The following AK1 variants were observed in gnomAD, a reference collection of about 807,000 sequenced individuals.
AK1 encodes adenylate kinase isoenzyme 1.
Under a neutral mutation model 23.9 loss-of-function variants are expected in AK1, and 13 were observed. The observed-to-expected ratio is 0.54, with a 90% confidence interval of 0.35 to 0.86. The LOEUF (loss-of-function observed/expected upper bound fraction) is 0.86. Ranked by LOEUF, AK1 falls within the 40% of genes least tolerant of loss-of-function variation. The pLI, the probability that AK1 is intolerant of heterozygous loss-of-function variation, is 0.01. For missense variants in AK1, 214 were observed against 255.1 expected (o/e 0.84, Z 1.10); for synonymous variants, 97 against 102.8 (o/e 0.94, Z 0.34).
Position 127,868,841 on chromosome 9 carries a change from G to A in AK1, c.325-329C>T, listed in dbSNP as rs1374889854. On this transcript the variant is annotated intron_variant, in intron 5 of 6. Transcript: ENST00000644144. This position sits in a 1 kb window ranked among gnomAD's most constrained non-coding sequence, Gnocchi z 4.1. ...CCCTCTGCTAGGAGCCCTCTCCCCC[G>A]AGCCTGATCCTAACTCGCCTTCACC... 1.3e-5 allele frequency among the ~76,000 whole-genome samples: 2 copies of A among 152,076 alleles called. No individual in the cohort carries two copies. The highest frequency in any genetic ancestry group is 2.4e-5 in the African/African-American group (1 of 41,386).
At chr9:127,876,584 G>C (rs1389578615) in intron 1 of AK1, among the ~76,000 whole-genome samples, 2 of 152,184 alleles carry the variant, frequency 1.3e-5, no homozygotes, top group Admixed American at 1.3e-4. Context: ...CCCCTCAGCA[G>C]CTGCCCATGG....
Position 127,868,071 on chromosome 9 carries a change from G to T in AK1, c.522C>A (p.Asn174Lys), listed in dbSNP as rs150064330. The change falls in exon 7 of 7, where the codon AAC (asparagine) becomes AAA (lysine). Residue 174 changes from asparagine to lysine, a missense_variant. Transcript: ENST00000644144. The surrounding 1 kb of genome is among the most constrained non-coding windows in gnomAD (Gnocchi z 4.1). ...AGACACTGTCCACGGAGCCCTCAGC[G>T]TTGACCTGTGGGGAGATGGGCCGTG... ...YEKRGIVRKV[N>K]AEGSVDSVFS... 6.2e-7 allele frequency: 1 copy of T among 1,613,932 alleles called. No individual in the cohort carries two copies. Among genetic ancestry groups the T allele is most frequent in the African/African-American group, 1.3e-5 (1 of 74,900 alleles).
Position 127,868,929 on chromosome 9 carries a change from AC to A in AK1, c.325-418del, listed in dbSNP as rs199892661. The stretch of plus-strand genomic sequence containing the variant: ...TCCTCAGGGCAGTCTCTCTGATGCC[AC>A]CCCCCGCCCCCCAGTACTCCCCGCC... On this transcript the variant is annotated intron_variant, in intron 5 of 6. Transcript: ENST00000644144. The surrounding 1 kb of genome is among the most constrained non-coding windows in gnomAD (Gnocchi z 4.1). Among the ~76,000 whole-genome samples, 1,108 of 151,444 alleles carry A rather than the reference AC, an allele frequency of 7.3e-3. 16 individuals are homozygous for A. Among genetic ancestry groups the A allele is most frequent in the African/African-American group, 0.026 (1,070 of 41,192 alleles).
At chr9:127,875,741 G>A (rs1332824612) in intron 1 of AK1, among the ~76,000 whole-genome samples, 1 of 150,766 alleles carries the variant, frequency 6.6e-6, no homozygotes, top group Non-Finnish European at 1.5e-5. Context: ...AGGCCCCTAT[G>A]GCCAAGCCAC....
rs543684833 is a variant in AK1 at position 127,868,265 on chromosome 9, G to A, written c.516+56C>T. On this transcript the variant is annotated intron_variant, in intron 6 of 6. Transcript: ENST00000644144. This position sits in a 1 kb window ranked among gnomAD's most constrained non-coding sequence, Gnocchi z 4.1. ...CTGAGGCCACACAGTGAGCTGAGGC[G>A]GAGCCACATAGGAACCCGTTCTTCC... 212 of 1,527,406 alleles carry A rather than the reference G, an allele frequency of 1.4e-4. No homozygotes were observed. The highest frequency in any genetic ancestry group is 1.4e-3 in the Middle Eastern group (6 of 4,402). The allele number at this position is 1,527,406 out of a possible 1,614,324, so 94.6% of individuals were successfully genotyped here.
rs1588617853 is a variant in AK1, at chr9:127,873,327, C to A, written c.8-266G>T. 3 of 1,539,416 alleles carry A rather than the reference C, an allele frequency of 1.9e-6. No homozygotes were observed. The Admixed American group carries it at 5.9e-5, about 30-fold the overall frequency. The stretch of plus-strand genomic sequence containing the variant: ...TAAAGGCTAAGTACTCTCCACACAG[C>A]CAGCGGGCTGGGCCGCCAGCCCTCA... On this transcript the variant is annotated intron_variant, in intron 2 of 6. Coordinates refer to ENST00000644144, the MANE Select transcript of AK1 (RefSeq NM_000476.3).
intron 2 of AK1, 143 bp from the exon 3 acceptor site, chr9:127,873,204 C>T: frequency 6.5e-7 from 1 of 1,539,616 alleles, no homozygotes; most frequent in Non-Finnish European, 8.7e-7. Context: ...AGACAAGTCA[C>T]AGCCCAGAGT....
rs770058973 is a variant in AK1, at chr9:127,872,789, G to A, written c.108C>T (p.His36=). Reference sequence around the variant, plus strand: ...ACCGCAGGAGGTCCCCGGTGGAGAGGTGGGTGTAGCCATACTTCTGCACGA... The same window carrying A: ...ACCGCAGGAGGTCCCCGGTGGAGAGATGGGTGTAGCCATACTTCTGCACGA... ...EKIVQKYGYT[H]LSTGDLLRSE... The change falls in exon 4 of 7, where the codon CAC becomes CAT. Residue 36 remains histidine, a synonymous_variant. Coordinates refer to ENST00000644144, the MANE Select transcript of AK1 (RefSeq NM_000476.3). 1.9e-6 allele frequency: 3 copies of A among 1,614,100 alleles called. No individual in the cohort carries two copies. The highest frequency in any genetic ancestry group is 3.3e-5 in the Admixed American group (2 of 60,024).
rs759169480 is a variant in AK1 at position 127,873,025 on chromosome 9, C to T, written c.43+1G>A. The T allele has an allele frequency of 4.3e-6, 7 of 1,614,122 alleles. No homozygotes were observed. The highest frequency in any genetic ancestry group is 1.3e-5 in the African/African-American group (1 of 75,062). Reference sequence around the variant, plus strand: ...GCACCACCCGCCTGCCCGCAACTCACCCACCACAAAGATGATCTTGGTTTT... The same window carrying T: ...GCACCACCCGCCTGCCCGCAACTCATCCACCACAAAGATGATCTTGGTTTT... On this transcript the variant is annotated splice_donor_variant, in intron 3 of 6. Transcript: ENST00000644144. LOFTEE classifies it high-confidence loss of function.
rs1829470408 is a variant in AK1, at chr9:127,873,587, G to A, written c.8-526C>T. On this transcript the variant is annotated intron_variant, in intron 2 of 6. Transcript: ENST00000644144. ...CCATGGAGACAGTTGCCGGGGTGGAGGGCTGTGGTGGGCATGTGGAACTCT... is the reference window on the plus strand; with the variant it reads ...CCATGGAGACAGTTGCCGGGGTGGAAGGCTGTGGTGGGCATGTGGAACTCT... 6.3e-6 allele frequency: 9 copies of A among 1,424,090 alleles called. No homozygotes were observed. In the African/African-American group the frequency reaches 1.3e-4, roughly 20 times the overall value. 88.2% of individuals were successfully genotyped at this position (1,424,090 alleles called of 1,614,324 possible).
At position 127,874,645 on chromosome 9, in the gene AK1, G is replaced by A. The variant is rs1829496321; in HGVS notation, c.-28C>T. The A allele has an allele frequency of 6.2e-7, 1 of 1,613,872 alleles. No individual in the cohort carries two copies. The highest frequency in any genetic ancestry group is 8.5e-7 in the Non-Finnish European group (1 of 1,179,920). ...TGCCGAGGTCCCGGGAGCCGTGTCA[G>A]TGCTCTGTAAGACAAGGGCACAGGT... On this transcript the variant is annotated 5_prime_UTR_variant, in exon 2 of 7. Coordinates refer to ENST00000644144, the MANE Select transcript of AK1 (RefSeq NM_000476.3).
chr9:127,868,291 C>G lies in AK1; in HGVS notation c.516+30G>C, dbSNP rs374508336. The G allele has an allele frequency of 3.2e-6, 5 of 1,554,302 alleles. No homozygotes were observed. Among genetic ancestry groups the G allele is most frequent in the African/African-American group, 1.4e-5 (1 of 73,384 alleles). On this transcript the variant is annotated intron_variant, in intron 6 of 6. Transcript: ENST00000644144. This position sits in a 1 kb window ranked among gnomAD's most constrained non-coding sequence, Gnocchi z 4.1. ...GAGCCACATAGGAACCCGTTCTTCC[C>G]GGAGCTGCCCCTGGGCCCGCGGGGC... is the stretch of plus-strand genomic sequence containing the variant.
Position 127,868,353 on chromosome 9 carries a change from CGATGACAGGTTCTGTGGCCTTG to C in AK1, c.462_483del (p.Tyr154Ter). ...ACAATGCCACGTTTCTCATAGAAGG[CGATGACAGGTTCTGTGGCCTTG>C]TAATAGGTCTCCAGCCGCTTTTTGA... On this transcript the variant is annotated frameshift_variant, in exon 6 of 7. Coordinates refer to ENST00000644144, the MANE Select transcript of AK1 (RefSeq NM_000476.3). LOFTEE classifies it high-confidence loss of function. The surrounding 1 kb of genome is among the most constrained non-coding windows in gnomAD (Gnocchi z 4.1). 6.2e-7 allele frequency: 1 copy of C among 1,606,974 alleles called. No homozygotes were observed.
intron 5 of AK1, among the ~76,000 whole-genome samples, chr9:127,869,119 C>T (rs1039570660): frequency 7.9e-5 from 12 of 152,170 alleles, no homozygotes; most frequent in Non-Finnish European, 1.5e-4. Context: ...GGGTTCTGAG[C>T]AATGTCCGTG....
In AK1 at chr9:127,868,623, C is replaced by G. The variant is rs950760726; in HGVS notation, c.325-111G>C. The stretch of plus-strand genomic sequence containing the variant: ...TAGATACCCCCTCAGACCTTCAATC[C>G]CTTCCCCAAGGCAGCCTGAAAGACC... On this transcript the variant is annotated intron_variant, in intron 5 of 6. Coordinates refer to ENST00000644144, the MANE Select transcript of AK1 (RefSeq NM_000476.3). This position sits in a 1 kb window ranked among gnomAD's most constrained non-coding sequence, Gnocchi z 4.1. The G allele has an allele frequency of 6.9e-6, 9 of 1,299,390 alleles. No homozygotes were observed. In the African/African-American group the frequency reaches 1.3e-4, roughly 19 times the overall value. The allele number at this position is 1,299,390 out of a possible 1,614,324, so 80.5% of individuals were successfully genotyped here. A position where few individuals can be genotyped will look rare whatever the true frequency, so the allele number is the denominator to read the frequency against.
Position 127,877,092 on chromosome 9 carries a change from G to A in AK1, c.-33+531C>T, listed in dbSNP as rs536119637. Among the ~76,000 whole-genome samples the A allele has an allele frequency of 6.6e-5, 10 of 152,220 alleles. No individual in the cohort carries two copies. Among genetic ancestry groups the A allele is most frequent in the Admixed American group, 6.5e-5 (1 of 15,294 alleles). On this transcript the variant is annotated intron_variant, in intron 1 of 6. Coordinates refer to ENST00000644144, the MANE Select transcript of AK1 (RefSeq NM_000476.3). The surrounding 1 kb of genome is among the most constrained non-coding windows in gnomAD (Gnocchi z 5.2). ...CTGCTGCTGCTGAGGAGTACCAGGC[G>A]GCCACTGAGCAGTGCTGTGGGAAGG...
chr9:127,872,764 ACCG>A lies in AK1; in HGVS notation c.130_132del (p.Arg44del). ...CTGGCCGAGCCTGAGCTGACCTCGGACCGCAGGAGGTCCCCGGTGGAGAGGTGG... is the reference window on the plus strand; with the variant it reads ...CTGGCCGAGCCTGAGCTGACCTCGGACAGGAGGTCCCCGGTGGAGAGGTGG... On this transcript the variant is annotated inframe_deletion, in exon 4 of 7. Transcript: ENST00000644144. The A allele has an allele frequency of 6.8e-6, 11 of 1,614,084 alleles. No homozygotes were observed. Among genetic ancestry groups the A allele is most frequent in the Non-Finnish European group, 9.3e-6 (11 of 1,180,012 alleles).
Position 127,871,762 on chromosome 9 carries a change from G to A in AK1, c.324+61C>T, listed in dbSNP as rs1829415343. The stretch of plus-strand genomic sequence containing the variant: ...TCACAGCCCCCGCAGGCCCGCCCAT[G>A]GGGATGGGAGTCTTATCCTGCCCCA... On this transcript the variant is annotated intron_variant, in intron 5 of 6. Coordinates refer to ENST00000644144, the MANE Select transcript of AK1 (RefSeq NM_000476.3). This position sits in a 1 kb window ranked among gnomAD's most constrained non-coding sequence, Gnocchi z 4.4. 1 of 1,421,288 alleles carries A rather than the reference G, an allele frequency of 7.0e-7. No individual in the cohort carries two copies. The highest frequency in any genetic ancestry group is 1.1e-5 in the South Asian group (1 of 87,226). 88.0% of individuals were successfully genotyped at this position (1,421,288 alleles called of 1,614,324 possible).
intron 3 of AK1, 36 bp downstream of exon 3, chr9:127,872,990 G>C (rs186179854): frequency 4.3e-6 from 7 of 1,613,902 alleles, no homozygotes; most frequent in Non-Finnish European, 5.9e-6. Flanking sequence ...TGCCAGTGAA[G>C]ACCCTTGCTG....
Sources: allele counts gnomAD v4.1 joint callset (sites outside exome capture counted in the v4.1 genomes callset), GRCh38; gene constraint gnomAD v4.1.1; non-coding constraint Gnocchi (gnomAD v3.1); transcripts MANE v1.5; gene names NCBI Gene and HGNC (gene_info 2026-07-23, HGNC 2026-07-21).